Variants in NECTIN3 observed in about 807,000 individuals in gnomAD.
The protein encoded by NECTIN3 is nectin cell adhesion molecule 3.
NECTIN3 carries 8 observed loss-of-function variants against 49.4 expected under a neutral mutation model. The ratio of observed to expected loss-of-function variants is 0.16; its 90% confidence interval spans 0.10 to 0.29. The LOEUF (loss-of-function observed/expected upper bound fraction) is 0.29. Among genes scored for constraint, NECTIN3 ranks in the 10% least tolerant of loss-of-function variants. The probability of loss-of-function intolerance (pLI) is 1.00; values close to 1 mark genes in which losing one functional copy is unlikely to be tolerated. For missense variants in NECTIN3, 581 were observed against 654.6 expected, an observed-to-expected ratio of 0.89 and a Z score of 1.23; for synonymous variants, 277 against 241.1, an observed-to-expected ratio of 1.15 and a Z score of -1.38.
chr3:111,078,720 A>G (rs1055563566), intron 1 of NECTIN3, among the ~76,000 whole-genome samples: 2 of 152,192 alleles, frequency 1.3e-5, no homozygotes, highest in Non-Finnish European at 2.9e-5. Flanking sequence ...ATAGTTCTCC[A>G]CTGATTTTTC....
chr3:111,083,801 A>G (rs139742335), intron 1 of NECTIN3, among the ~76,000 whole-genome samples: 70 of 152,284 alleles, frequency 4.6e-4, no homozygotes, highest in African/African-American at 1.6e-3. Context: ...CTAAGATACT[A>G]TATTGAGGGG....
chr3:111,193,740 G>T (rs2035856461), intron 1 of NECTIN3, among the ~76,000 whole-genome samples: 1 of 152,108 alleles, frequency 6.6e-6, no homozygotes, highest in Non-Finnish European at 1.5e-5. Flanking sequence ...AACCTCGTTG[G>T]GTCTCAGGCA....
At chr3:111,184,109 GT>G (rs1179032139) in intron 7 of NECTIN3, among the ~76,000 whole-genome samples, 2 of 151,864 alleles carry the variant, frequency 1.3e-5, no homozygotes, top group Non-Finnish European at 2.9e-5. Flanking sequence ...CTTCTTCAGT[GT>G]CTACTCTGCT....
intron 1 of NECTIN3, among the ~76,000 whole-genome samples, chr3:111,094,558 C>A (rs199727941): frequency 6.6e-6 from 1 of 152,090 alleles, no homozygotes; most frequent in African/African-American, 2.4e-5. Flanking sequence ...ATACTCAAGG[C>A]TATGATTTAT....
At chr3:111,167,409 T>C (rs2035339821) in intron 7 of NECTIN3, among the ~76,000 whole-genome samples, 1 of 152,178 alleles carries the variant, frequency 6.6e-6, no homozygotes. Flanking sequence ...TTGAGAGTTG[T>C]AATAAAACAC....
intron 5 of NECTIN3, among the ~76,000 whole-genome samples, chr3:111,130,586 AAAAT>A (rs1373905999): frequency 6.6e-6 from 1 of 152,180 alleles, no homozygotes; most frequent in African/African-American, 2.4e-5. Flanking sequence ...TAATATATGT[AAAAT>A]AAATGCATCT....
At position 111,071,819 on chromosome 3, in the gene NECTIN3, C is replaced by T. The variant is rs1057094751; in HGVS notation, c.-199C>T. 3.8e-5 allele frequency: 14 copies of T among 366,628 alleles called. No individual in the cohort carries two copies. The highest frequency in any genetic ancestry group is 6.4e-5 in the African/African-American group (3 of 46,968). The allele number at this position is 366,628 out of a possible 1,614,324, so 22.7% of individuals were successfully genotyped here. On this transcript the variant is annotated 5_prime_UTR_variant, in exon 1 of 6. Transcript: ENST00000485303. ...GGCGGCGGGCGGCTCCCGCTTCAGC[C>T]TCGGCAGTGGCGTCGGCGACGGCGG...
intron 5 of NECTIN3, among the ~76,000 whole-genome samples, chr3:111,128,064 G>T (rs771280336): frequency 2.0e-5 from 3 of 152,094 alleles, no homozygotes; most frequent in African/African-American, 7.2e-5. Context: ...TTGACTGGGC[G>T]TGGTGGCTCA....
In NECTIN3 at chr3:111,162,116, A is replaced by G. The variant is rs114536628; in HGVS notation, c.1221+14632A>G. On this transcript the variant is annotated intron_variant, in intron 7 of 8. Transcript: ENST00000493615. ...AGGTTTATATCTCTAATTTGGCAAT[A>G]TCTTTGCAGGGTTTTCTTGGGGGGT... is the stretch of plus-strand genomic sequence containing the variant. Among the ~76,000 whole-genome samples the G allele has an allele frequency of 8.6e-3, 1,303 of 152,198 alleles. 19 individuals carry two copies. The highest frequency in any genetic ancestry group is 0.029 in the African/African-American group (1,203 of 41,512).
At chr3:111,108,526 A>T (rs1436289369) in intron 1 of NECTIN3, among the ~76,000 whole-genome samples, 1 of 152,080 alleles carries the variant, frequency 6.6e-6, no homozygotes, top group Non-Finnish European at 1.5e-5. Context: ...GTCTTAGTCA[A>T]CTTGGGGTGT....
At position 111,128,168 on chromosome 3, in the gene NECTIN3, T is replaced by A. The variant is rs565595825; in HGVS notation, c.1069+1833T>A. Among the ~76,000 whole-genome samples the A allele has an allele frequency of 2.6e-5, 4 of 151,946 alleles. No individual in the cohort carries two copies. In the South Asian group the frequency reaches 8.3e-4, roughly 32 times the overall value. On this transcript the variant is annotated intron_variant, in intron 5 of 5. Coordinates refer to ENST00000485303, the MANE Select transcript of NECTIN3 (RefSeq NM_015480.3). The stretch of plus-strand genomic sequence containing the variant: ...GCCTGGCCACTATGGTGAAAACCTG[T>A]CTCTACTAAAAATACAAAAATTAGC...
At chr3:111,127,435 T>A (rs1003594603) in intron 5 of NECTIN3, among the ~76,000 whole-genome samples, 1 of 151,746 alleles carries the variant, frequency 6.6e-6, no homozygotes, top group Non-Finnish European at 1.5e-5. Context: ...GTGAGCATTG[T>A]GCCTGGCACA....
chr3:111,173,605 C>G (rs1423680445), intron 7 of NECTIN3, among the ~76,000 whole-genome samples: 1 of 152,122 alleles, frequency 6.6e-6, no homozygotes, highest in Non-Finnish European at 1.5e-5. Context: ...GCTGGTATTC[C>G]TTTCTCCTTC....
At chr3:111,142,454 T>G (rs2034770349), downstream of NECTIN3, among the ~76,000 whole-genome samples, 1 of 151,806 alleles carries the variant, frequency 6.6e-6, no homozygotes, top group Non-Finnish European at 1.5e-5. Context: ...GAAGGAAGTG[T>G]TGTGATATAG....
intron 1 of NECTIN3, among the ~76,000 whole-genome samples, chr3:111,077,016 T>C (rs1310706133): frequency 1.3e-5 from 2 of 151,792 alleles, no homozygotes; most frequent in Non-Finnish European, 2.9e-5. Flanking sequence ...TAAGGGTAGC[T>C]TCAAGGTTTT....
At position 111,136,350 on chromosome 3, in the gene NECTIN3, GT is replaced by G. The variant is rs2034574862; in HGVS notation, c.*2142del. ...ACATTGTGGTTATTTGTGCGATTAG[GT>G]TTTTTTGTTTGTTTCTTTTGTGTTT... is the stretch of plus-strand genomic sequence containing the variant. On this transcript the variant is annotated 3_prime_UTR_variant, in exon 6 of 6. Transcript: ENST00000485303. The G allele has an allele frequency of 1.0e-6, 1 of 984,464 alleles. No homozygotes were observed. The highest frequency in any genetic ancestry group is 1.8e-5 in the African/African-American group (1 of 57,112). The allele number at this position is 984,464 out of a possible 1,614,324, so 61.0% of individuals were successfully genotyped here.
rs188842783 is a variant in NECTIN3, at chr3:111,099,901, G to C, written c.161-12129G>C. 2.0e-3 allele frequency among the ~76,000 whole-genome samples: 312 copies of C among 152,218 alleles called. 2 individuals carry two copies. The highest frequency in any genetic ancestry group is 0.018 in the Admixed American group (279 of 15,272). ...TTAGTTAGTACCTATTTCCATGTTT[G>C]AGTGCTTCCTTTTAAATTTTATTGA... On this transcript the variant is annotated intron_variant, in intron 1 of 5. Transcript: ENST00000485303.
In NECTIN3 at chr3:111,118,638, A is replaced by T. The variant is rs542657605; in HGVS notation, c.503-18A>T. 5 of 1,502,726 alleles carry T rather than the reference A, an allele frequency of 3.3e-6. No individual in the cohort carries two copies. Among genetic ancestry groups the T allele is most frequent in the South Asian group, 2.6e-5 (2 of 76,432 alleles). The allele number at this position is 1,502,726 out of a possible 1,614,324, so 93.1% of individuals were successfully genotyped here. On this transcript the variant is annotated intron_variant, in intron 2 of 5. Coordinates refer to ENST00000485303, the MANE Select transcript of NECTIN3 (RefSeq NM_015480.3). ...TCTTGTTTGAATGTAACTAATTATT[A>T]AAAAAATATTTAAACAGTTGAACCC...
At position 111,135,052 on chromosome 3, in the gene NECTIN3, A is replaced by G. The variant is rs377162858; in HGVS notation, c.*837A>G. 9 of 981,878 alleles carry G rather than the reference A, an allele frequency of 9.2e-6. No individual in the cohort carries two copies. In the South Asian group the frequency reaches 2.4e-4, roughly 26 times the overall value. 60.8% of individuals were successfully genotyped at this position (981,878 alleles called of 1,614,324 possible). A position where few individuals can be genotyped will look rare whatever the true frequency, so the allele number is the denominator to read the frequency against. ...TATTTTAATGCTTTATGTCCTAAAC[A>G]TACTAATAGAAATGAAAAGACGCAG... On this transcript the variant is annotated 3_prime_UTR_variant, in exon 6 of 6. Transcript: ENST00000485303.
Sources: allele counts gnomAD v4.1 joint callset (sites outside exome capture counted in the v4.1 genomes callset), GRCh38; gene constraint gnomAD v4.1.1; transcripts MANE v1.5; gene names NCBI Gene and HGNC (gene_info 2026-07-23, HGNC 2026-07-21).